Variants in MAP4K3 observed in about 807,000 individuals in gnomAD.
MAP4K3 encodes MAPK/ERK kinase kinase kinase 3.
MAP4K3 carries 94 observed loss-of-function variants against 143.5 expected under a neutral mutation model. The ratio of observed to expected loss-of-function variants is 0.65; its 90% CI spans 0.55 to 0.78. MAP4K3 has a LOEUF of 0.78. MAP4K3 is among the 30% of genes least tolerant of loss of function. The pLI, the probability that MAP4K3 is intolerant of heterozygous loss-of-function variation, is 0.00. For missense variants in MAP4K3, 1,077 were observed against 1,068.1 expected (o/e 1.01, Z -0.12); for synonymous variants, 416 against 347.2 (o/e 1.20, Z -2.20).
intron 8 of MAP4K3, among the ~76,000 whole-genome samples, chr2:39,327,662 C>T (rs1318008622): frequency 6.6e-6 from 1 of 152,126 alleles, no homozygotes; most frequent in Non-Finnish European, 1.5e-5. Context: ...CTTTCAAAAC[C>T]CCTGGTCTTA....
chr2:39,349,522 T>C (rs1000666554), intron 3 of MAP4K3, among the ~76,000 whole-genome samples: 2 of 152,158 alleles, frequency 1.3e-5, no homozygotes, highest in Non-Finnish European at 2.9e-5. Context: ...TATAGTTAAA[T>C]CAGTTTTTAA....
intron 1 of MAP4K3, among the ~76,000 whole-genome samples, chr2:39,394,801 G>A (rs914964356): frequency 6.6e-6 from 1 of 152,054 alleles, no homozygotes; most frequent in African/African-American, 2.4e-5. Context: ...AAAACGCCTG[G>A]CAGCAACTAG....
rs554042750 is a variant in MAP4K3 at position 39,396,575 on chromosome 2, G to A, written c.97-18452C>T. On this transcript the variant is annotated intron_variant, in intron 1 of 33. Coordinates refer to ENST00000263881, the MANE Select transcript of MAP4K3 (RefSeq NM_003618.4). ...TGCAAGCTCCGCCTCCTGGGTTCAC[G>A]CCATTCTCCTGCCTCAGCCTCCCAA... Among the ~76,000 whole-genome samples, 152 of 149,306 alleles carry A rather than the reference G, an allele frequency of 1.0e-3. 1 individual carries two copies. Among genetic ancestry groups the A allele is most frequent in the African/African-American group, 3.4e-3 (137 of 40,506 alleles).
At chr2:39,417,011 G>A (rs1405989202) in intron 1 of MAP4K3, among the ~76,000 whole-genome samples, 1 of 152,108 alleles carries the variant, frequency 6.6e-6, no homozygotes, top group Non-Finnish European at 1.5e-5. Flanking sequence ...ACATGTAAAA[G>A]TTCACAGAAT....
chr2:39,359,485 T>C (rs1665705037), intron 2 of MAP4K3, among the ~76,000 whole-genome samples: 1 of 152,312 alleles, frequency 6.6e-6, no homozygotes, highest in East Asian at 1.9e-4. Flanking sequence ...TCAGTGGATC[T>C]ACCATTCTGA....
intron 15 of MAP4K3, 115 bp downstream of exon 15, chr2:39,307,828 C>T (rs1682769662): frequency 4.2e-6 from 3 of 715,560 alleles, no homozygotes; most frequent in South Asian, 3.6e-5. Flanking sequence ...TAGAAGTTTG[C>T]TAAATGATAG....
chr2:39,310,038 C>T (rs756785680), intron 13 of MAP4K3, among the ~76,000 whole-genome samples: 13 of 152,174 alleles, frequency 8.5e-5, no homozygotes, highest in African/African-American at 2.9e-4. Context: ...TTTTGATACA[C>T]GTGTACAATG....
intron 1 of MAP4K3, among the ~76,000 whole-genome samples, chr2:39,402,726 C>T (rs759616264): frequency 6.7e-6 from 1 of 149,596 alleles, no homozygotes; most frequent in Admixed American, 6.6e-5. Context: ...TGAGAAAAAT[C>T]AATAAAATTA....
In MAP4K3 at chr2:39,288,293, A is replaced by C; in HGVS notation, c.1315-13T>G. On this transcript the variant is annotated splice_polypyrimidine_tract_variant and intron_variant, in intron 19 of 33. Transcript: ENST00000263881. ...AGATAGACTTAGGCTGAAATAATATAGAAAAAGAGACCAACAATGAAACAT... is the reference window on the plus strand; with the variant it reads ...AGATAGACTTAGGCTGAAATAATATCGAAAAAGAGACCAACAATGAAACAT... 6.2e-7 allele frequency: 1 copy of C among 1,609,110 alleles called. No homozygotes were observed.
intron 1 of MAP4K3, among the ~76,000 whole-genome samples, chr2:39,402,291 G>A (rs558522465): frequency 4.7e-4 from 72 of 152,216 alleles, no homozygotes; most frequent in Middle Eastern, 3.4e-3. Context: ...TTAGTTGTGG[G>A]ATAACTTCAA....
At chr2:39,368,898 C>G (rs959970284) in intron 2 of MAP4K3, among the ~76,000 whole-genome samples, 1 of 152,208 alleles carries the variant, frequency 6.6e-6, no homozygotes, top group East Asian at 1.9e-4. Flanking sequence ...ACCTATTCTT[C>G]CCATAAACTC....
At position 39,437,074 on chromosome 2, in the gene MAP4K3, G is replaced by A. The variant is rs1255472084; in HGVS notation, c.-87C>T. The A allele has an allele frequency of 1.6e-5, 15 of 939,844 alleles. No individual in the cohort carries two copies. In the South Asian group the frequency reaches 2.4e-4, roughly 15 times the overall value. The allele number at this position is 939,844 out of a possible 1,614,324, so 58.2% of individuals were successfully genotyped here. A position where few individuals can be genotyped will look rare whatever the true frequency, so the allele number is the denominator to read the frequency against. On this transcript the variant is annotated 5_prime_UTR_variant, in exon 1 of 34. Coordinates refer to ENST00000263881, the MANE Select transcript of MAP4K3 (RefSeq NM_003618.4). ...CACACGGAGAGAGGGCGCCGCGGCC[G>A]GCTCCCGGCTCCCCCGGCGGTCACA...
rs1283522891 is a variant in MAP4K3 at position 39,250,503 on chromosome 2, T to C, written c.*115A>G. ...CCATCTTATCTCATGCCACAATAAA[T>C]TACAAAGTAACTGAAGACAGGTTAC... is the stretch of plus-strand genomic sequence containing the variant. On this transcript the variant is annotated 3_prime_UTR_variant, in exon 34 of 34. Transcript: ENST00000263881. The C allele has an allele frequency of 2.0e-5, 20 of 979,396 alleles. No individual in the cohort carries two copies. The highest frequency in any genetic ancestry group is 2.8e-5 in the Non-Finnish European group (19 of 672,298). 60.7% of individuals were successfully genotyped at this position (979,396 alleles called of 1,614,324 possible). A position where few individuals can be genotyped will look rare whatever the true frequency, so the allele number is the denominator to read the frequency against.
intron 2 of MAP4K3, among the ~76,000 whole-genome samples, chr2:39,358,750 G>T (rs1184776374): frequency 1.3e-5 from 2 of 152,184 alleles, no homozygotes; most frequent in African/African-American, 4.8e-5. Context: ...AGGATTTAAA[G>T]AACTTTGTTC....
At chr2:39,362,040 T>G (rs1331884263) in intron 2 of MAP4K3, among the ~76,000 whole-genome samples, 1 of 152,162 alleles carries the variant, frequency 6.6e-6, no homozygotes. Flanking sequence ...AATTAATAAC[T>G]GTATTAATGT....
chr2:39,397,941 TTTC>T (rs1446089260), intron 1 of MAP4K3, among the ~76,000 whole-genome samples: 2 of 152,202 alleles, frequency 1.3e-5, no homozygotes, highest in Non-Finnish European at 2.9e-5. Flanking sequence ...TGAGATAGTG[TTTC>T]TTATCAGATT....
intron 1 of MAP4K3, among the ~76,000 whole-genome samples, chr2:39,410,031 T>C (rs1254846097): frequency 6.6e-6 from 1 of 152,236 alleles, no homozygotes; most frequent in African/African-American, 2.4e-5. Context: ...AAATGCTACA[T>C]ATGATTATGC....
At chr2:39,278,209 T>C (rs1255900724) in intron 24 of MAP4K3, among the ~76,000 whole-genome samples, 198 bp downstream of exon 24, 2 of 150,954 alleles carry the variant, frequency 1.3e-5, no homozygotes, top group South Asian at 2.1e-4. Flanking sequence ...TTGAAACTGG[T>C]TGCAGTGAGC....
At chr2:39,293,763 C>T (rs1056038231) in intron 16 of MAP4K3, 4 of 158,796 alleles carry the variant, frequency 2.5e-5, no homozygotes, top group African/African-American at 9.6e-5. Context: ...TGTTGGATCT[C>T]TCTGCAGAAG....
Sources: allele counts gnomAD v4.1 joint callset (sites outside exome capture counted in the v4.1 genomes callset), GRCh38; gene constraint gnomAD v4.1.1; transcripts MANE v1.5; gene names NCBI Gene and HGNC (gene_info 2026-07-23, HGNC 2026-07-21).